CCDC7: variants seen among roughly 807,000 people sequenced by gnomAD.
CCDC7 encodes coiled-coil domain-containing protein 7.
CCDC7 carries 183 observed loss-of-function variants against 196.9 expected under a neutral mutation model. The ratio of observed to expected loss-of-function variants is 0.93; its 90% CI spans 0.82 to 1.05. The LOEUF (loss-of-function observed/expected upper bound fraction) is 1.05, where lower values mean the gene tolerates loss of function less well. Ranked by LOEUF, CCDC7 falls within the 50% of genes least tolerant of loss-of-function variation. The probability of loss-of-function intolerance (pLI) is 0.00; values close to 1 mark genes in which losing one functional copy is unlikely to be tolerated. For synonymous variants in CCDC7, 525 were observed against 484.6 expected (o/e 1.08, Z -1.10); for missense variants, 1,540 against 1,482.2 (o/e 1.04, Z -0.64).
At chr10:32,575,572 G>T (rs142820768) in intron 16 of CCDC7, among the ~76,000 whole-genome samples, 2 of 152,332 alleles carry the variant, frequency 1.3e-5, no homozygotes, top group African/African-American at 4.8e-5. Context: ...GGCATAGAGA[G>T]CACCTAGTCA....
At chr10:32,745,221 C>G (rs530230650) in intron 28 of CCDC7, among the ~76,000 whole-genome samples, 4 of 152,278 alleles carry the variant, frequency 2.6e-5, no homozygotes, top group African/African-American at 9.6e-5. Context: ...ACTACTGTAG[C>G]TAATAATAAG....
rs569688798 is a variant in CCDC7, at chr10:32,557,672, A to G, written c.1135-7886A>G. Among the ~76,000 whole-genome samples the G allele has an allele frequency of 5.9e-5, 9 of 152,224 alleles. No individual in the cohort carries two copies. In the South Asian group the frequency reaches 1.9e-3, roughly 32 times the overall value. On this transcript the variant is annotated intron_variant, in intron 13 of 41. Coordinates refer to ENST00000639629, the Ensembl canonical transcript of CCDC7. ...TTTAAATTCAGATATTATGATTTTC[A>G]GTTCCAGAATTTCCATTTGACTATT...
intron 11 of CCDC7, among the ~76,000 whole-genome samples, chr10:32,526,918 T>C (rs1448206052): frequency 1.3e-5 from 2 of 152,140 alleles, no homozygotes; most frequent in Non-Finnish European, 2.9e-5. Flanking sequence ...GGTGGTATCT[T>C]CGTAGGTCAC....
intron 21 of CCDC7, among the ~76,000 whole-genome samples, chr10:32,675,323 C>T (rs201012170): frequency 4.3e-5 from 3 of 69,084 alleles, no homozygotes; most frequent in Non-Finnish European, 8.1e-5. Flanking sequence ...GTTACGATTA[C>T]CATAAAGTTA....
chr10:32,843,813 T>C (rs1227632901), intron 33 of CCDC7, among the ~76,000 whole-genome samples: 4 of 152,006 alleles, frequency 2.6e-5, no homozygotes, highest in African/African-American at 9.7e-5. Flanking sequence ...CCTATTTTTA[T>C]GTTTCTATAG....
At position 32,477,636 on chromosome 10, in the gene CCDC7, G is replaced by T. The variant is rs554138198; in HGVS notation, c.796+3613G>T. Among the ~76,000 whole-genome samples, 22 of 149,902 alleles carry T rather than the reference G, an allele frequency of 1.5e-4. No individual in the cohort carries two copies. The South Asian group carries it at 1.5e-3, about 10-fold the overall frequency. On this transcript the variant is annotated intron_variant, in intron 8 of 41. Transcript: ENST00000639629. ...ACTATTTCTTCATTGAGTTGCCTTT[G>T]TTCCTTTGCCAAAGATCAGTTGCGT...
intron 16 of CCDC7, among the ~76,000 whole-genome samples, chr10:32,580,475 A>G (rs2058632705): frequency 6.6e-6 from 1 of 152,084 alleles, no homozygotes; most frequent in South Asian, 2.1e-4. Context: ...ATTGTATTGT[A>G]TTGTAAAAAC....
chr10:32,455,944 A>G (rs2034244738), intron 2 of CCDC7, among the ~76,000 whole-genome samples: 1 of 152,114 alleles, frequency 6.6e-6, no homozygotes, highest in Non-Finnish European at 1.5e-5. Context: ...TGGGCCACCC[A>G]GAAATTTCAG....
chr10:32,682,051 C>T (rs965812868), intron 21 of CCDC7, among the ~76,000 whole-genome samples: 1 of 152,072 alleles, frequency 6.6e-6, no homozygotes, highest in Non-Finnish European at 1.5e-5. Context: ...TCAAGTGGTA[C>T]ACTTGCAGGT....
intron 18 of CCDC7, among the ~76,000 whole-genome samples, chr10:32,630,935 A>C (rs2064776095): frequency 6.6e-6 from 1 of 152,188 alleles, no homozygotes; most frequent in Non-Finnish European, 1.5e-5. Flanking sequence ...AATGGGTAGA[A>C]GTGATGCCAT....
At chr10:32,738,104 C>A (rs1025594582) in intron 28 of CCDC7, among the ~76,000 whole-genome samples, 1 of 152,050 alleles carries the variant, frequency 6.6e-6, no homozygotes, top group African/African-American at 2.4e-5. Flanking sequence ...TTCTTTTTCA[C>A]CTTCCACACC....
chr10:32,655,520 G>A (rs1157939034), intron 20 of CCDC7, among the ~76,000 whole-genome samples: 1 of 151,918 alleles, frequency 6.6e-6, no homozygotes, highest in East Asian at 1.9e-4. Flanking sequence ...CTATTTATGT[G>A]TCTTTTTTGT....
chr10:32,663,644 A>G (rs2072000281), intron 20 of CCDC7, among the ~76,000 whole-genome samples: 1 of 152,116 alleles, frequency 6.6e-6, no homozygotes. Flanking sequence ...ATAATACCAC[A>G]AATTATAATA....
In CCDC7 at chr10:32,463,000, C is replaced by G. The variant is rs193065073; in HGVS notation, c.478-17C>G. 4.4e-4 allele frequency: 715 copies of G among 1,612,836 alleles called. 3 individuals are homozygous for G. In the Middle Eastern group the frequency reaches 9.1e-3, roughly 21 times the overall value. Reference sequence around the variant, plus strand: ...AGTCACTATTTCTTTTTTTGTCCCTCTTTTGTTTTCTTAAAGTGGTTTCAG... The same window carrying G: ...AGTCACTATTTCTTTTTTTGTCCCTGTTTTGTTTTCTTAAAGTGGTTTCAG... On this transcript the variant is annotated splice_polypyrimidine_tract_variant and intron_variant, in intron 4 of 41. Coordinates refer to ENST00000639629, the Ensembl canonical transcript of CCDC7.
At chr10:32,592,650 T>G (rs1013217344) in intron 18 of CCDC7, among the ~76,000 whole-genome samples, 2 of 152,158 alleles carry the variant, frequency 1.3e-5, no homozygotes, top group East Asian at 3.8e-4. Context: ...GCTGCACCCG[T>G]TAACTCGTCA....
chr10:32,475,470 T>C (rs1340652335), intron 8 of CCDC7, among the ~76,000 whole-genome samples: 4 of 152,212 alleles, frequency 2.6e-5, no homozygotes, highest in Non-Finnish European at 4.4e-5. Flanking sequence ...TACCCACTTA[T>C]AGTCTAATGG....
At chr10:32,643,734 A>G (rs1305057646) in intron 20 of CCDC7, among the ~76,000 whole-genome samples, 1 of 152,002 alleles carries the variant, frequency 6.6e-6, no homozygotes, top group Non-Finnish European at 1.5e-5. Flanking sequence ...TGCATATAGT[A>G]TATGAAGTAA....
intron 8 of CCDC7, among the ~76,000 whole-genome samples, chr10:32,487,229 G>A (rs1365929298): frequency 2.0e-5 from 3 of 151,582 alleles, no homozygotes; most frequent in Non-Finnish European, 2.9e-5. Context: ...ACTTCATTTC[G>A]TTCATTTGAT....
chr10:32,832,674 A>G (rs1021530234), intron 32 of CCDC7, among the ~76,000 whole-genome samples: 1 of 152,180 alleles, frequency 6.6e-6, no homozygotes, highest in African/African-American at 2.4e-5. Flanking sequence ...TATTAAAAAA[A>G]ACTTAAGAAA....
Sources: allele counts gnomAD v4.1 joint callset (sites outside exome capture counted in the v4.1 genomes callset), GRCh38; gene constraint gnomAD v4.1.1; transcripts MANE v1.5; gene names NCBI Gene and HGNC (gene_info 2026-07-23, HGNC 2026-07-21).